Variants in HMGXB4 observed in about 807,000 individuals in gnomAD.
HMGXB4 encodes HMG-box containing 4, also known as HMG domain-containing protein 4.
Under a neutral mutation model 63.9 loss-of-function variants are expected in HMGXB4, and 27 were observed. That is an observed-to-expected ratio of 0.42 (90% CI 0.31 to 0.58). The LOEUF is 0.58. Ranked by LOEUF, HMGXB4 falls within the 20% of genes least tolerant of loss-of-function variation. HMGXB4 has a pLI of 0.13. For synonymous variants in HMGXB4, 264 were observed against 265.3 expected (o/e 0.99, Z 0.05); for missense variants, 624 against 700.7 (o/e 0.89, Z 1.24).
chr22:35,242,055 G>A, the HMGXB4 span, among the ~76,000 whole-genome samples: 1 of 152,208 alleles, frequency 6.6e-6, no homozygotes, highest in African/African-American at 2.4e-5. Flanking sequence ...TGCTCTCGGG[G>A]TAATACTAGC....
rs1240505878 is a variant in HMGXB4 at position 35,293,072 on chromosome 22, C to T, written c.1719C>T (p.Thr573=). Reference sequence around the variant, plus strand: ...CCCTTGGCCCCTTGGCATGTCTCACCACACAACTACCTGAATTGAATGGCT... The same window carrying T: ...CCCTTGGCCCCTTGGCATGTCTCACTACACAACTACCTGAATTGAATGGCT... The part of the protein sequence containing the change: ...ICALGPLACL[T]TQLPELNGCP... Residue 573 remains threonine (T), a synonymous_variant, in exon 10 of 11, where the codon ACC becomes ACT. Coordinates refer to ENST00000216106, the MANE Select transcript of HMGXB4 (RefSeq NM_001003681.3). 6.2e-7 allele frequency: 1 copy of T among 1,614,210 alleles called. No individual in the cohort carries two copies. The highest frequency in any genetic ancestry group is 1.7e-5 in the Admixed American group (1 of 60,034).
rs1255672532 is a variant in HMGXB4 at position 35,265,441 on chromosome 22, G to A, written c.1053G>A (p.Val351=). The A allele has an allele frequency of 4.3e-6, 7 of 1,614,040 alleles. 1 individual carries two copies. The South Asian group carries it at 7.7e-5, about 18-fold the overall frequency. Reference sequence around the variant, plus strand: ...AGAGAAGTTTAGGACTTTCTGCCGTGCCAGTGGGAGAGGTCACAGTGACAT... The same window carrying A: ...AGAGAAGTTTAGGACTTTCTGCCGTACCAGTGGGAGAGGTCACAGTGACAT... The part of the protein sequence containing the change: ...KSKRSLGLSA[V]PVGEVTVTSG... Residue 351 remains valine (V), a synonymous_variant, in exon 5 of 11, where the codon GTG becomes GTA. Coordinates refer to ENST00000216106, the MANE Select transcript of HMGXB4 (RefSeq NM_001003681.3).
the HMGXB4 span, among the ~76,000 whole-genome samples, chr22:35,251,407 A>T: frequency 6.6e-6 from 1 of 152,168 alleles, no homozygotes; most frequent in East Asian, 1.9e-4. Flanking sequence ...AACAATTCTC[A>T]TCTGCCTCCT....
chr22:35,248,124 T>C, the HMGXB4 span, among the ~76,000 whole-genome samples: 4 of 152,144 alleles, frequency 2.6e-5, no homozygotes, highest in African/African-American at 9.6e-5. Flanking sequence ...TAAACATATC[T>C]AAACATAGAA....
intron 5 of HMGXB4, among the ~76,000 whole-genome samples, chr22:35,268,821 A>G (rs1923425164): frequency 6.6e-6 from 1 of 152,188 alleles, no homozygotes; most frequent in Non-Finnish European, 1.5e-5. Context: ...CTTGTTTCCC[A>G]TACATTCTTA....
At chr22:35,257,488 C>T (rs1306649589), upstream of HMGXB4, 2 of 152,836 alleles carry the variant, frequency 1.3e-5, no homozygotes, top group Admixed American at 6.5e-5. Context: ...GCCGCTCGCG[C>T]TTTTCTCTCC....
At chr22:35,257,705 G>A (rs1279990970) in intron 1 of HMGXB4, 148 bp downstream of exon 1, 1 of 152,564 alleles carries the variant, frequency 6.6e-6, no homozygotes, top group African/African-American at 2.4e-5. Flanking sequence ...CAGGGGCCGA[G>A]CCGGGGACTG....
intron 1 of HMGXB4, among the ~76,000 whole-genome samples, chr22:35,260,161 TTTG>T (rs1366995527): frequency 2.0e-5 from 3 of 152,226 alleles, no homozygotes; most frequent in Non-Finnish European, 4.4e-5. Context: ...ACAAGTGCAT[TTTG>T]TTGTTGACAA....
chr22:35,290,731 G>C (rs527243967), intron 9 of HMGXB4, among the ~76,000 whole-genome samples: 1 of 150,184 alleles, frequency 6.7e-6, no homozygotes, highest in African/African-American at 2.5e-5. Flanking sequence ...CATTTGCATA[G>C]ATCTCTGCAA....
At chr22:35,282,176 CAT>C (rs1924282613) in intron 5 of HMGXB4, among the ~76,000 whole-genome samples, 1 of 152,116 alleles carries the variant, frequency 6.6e-6, no homozygotes, top group African/African-American at 2.4e-5. Flanking sequence ...ACATTCATGT[CAT>C]ATTTTTTGTT....
chr22:35,264,891 A>C lies in HMGXB4; in HGVS notation c.503A>C (p.Lys168Thr), dbSNP rs768250561. Residue 168 changes from lysine to threonine, a missense_variant, in exon 5 of 11, where the codon AAA becomes ACA. By Grantham distance (78) the Lys-to-Thr change is moderately conservative. Coordinates refer to ENST00000216106, the MANE Select transcript of HMGXB4 (RefSeq NM_001003681.3). ...ELPLEDGGSH[K>T]SKKMKPLYVN... ...CCCCTAGAGGATGGTGGCTCCCACA[A>C]ATCGAAAAAAATGAAACCTCTCTAT... The C allele has an allele frequency of 1.2e-6, 2 of 1,614,026 alleles. No individual in the cohort carries two copies. Among genetic ancestry groups the C allele is most frequent in the African/African-American group, 2.7e-5 (2 of 74,898 alleles).
At chr22:35,241,897 C>CAT in the HMGXB4 span, among the ~76,000 whole-genome samples, 80 of 152,006 alleles carry the variant, frequency 5.3e-4, no homozygotes, top group East Asian at 9.7e-4. Flanking sequence ...AGCCTCAGCA[C>CAT]GCTGCTCTGT....
Position 35,265,601 on chromosome 22 carries a change from A to G in HMGXB4, c.1213A>G (p.Lys405Glu). 1 of 1,560,098 alleles carries G rather than the reference A, an allele frequency of 6.4e-7. No individual in the cohort carries two copies. Among genetic ancestry groups the G allele is most frequent in the Non-Finnish European group, 8.7e-7 (1 of 1,154,728 alleles). Residue 405 changes from lysine (K) to glutamate (E), a missense_variant and splice_region_variant, in exon 5 of 11, where the codon AAG (lysine) becomes GAG (glutamate). Physicochemically the swap from Lys to Glu is moderately conservative, Grantham distance 56. Around this residue, in one of 2 missense-constraint regions of HMGXB4, gnomAD observed 472 missense variants for 470.6 expected, o/e 1.00. Transcript: ENST00000216106. ...GGACAAAGAGAGAGAGAGAGGAGAA[A>G]AGGTAAAGCATCTTTTAAGTGTGGT... ...EKDKERERGE[K>E]PKKKNMSAYQ...
At chr22:35,290,616 GCGAGAC>G (rs1924873312) in intron 9 of HMGXB4, among the ~76,000 whole-genome samples, 1 of 136,146 alleles carries the variant, frequency 7.3e-6, no homozygotes, top group African/African-American at 2.8e-5. Flanking sequence ...GGGCGACGGA[GCGAGAC>G]TCCGCCTCAA....
intron 9 of HMGXB4, among the ~76,000 whole-genome samples, chr22:35,288,823 T>C (rs1401381103): frequency 2.0e-5 from 3 of 152,080 alleles, no homozygotes; most frequent in African/African-American, 7.2e-5. Context: ...TCTCAAAAAA[T>C]ACATATATTC....
intron 5 of HMGXB4, among the ~76,000 whole-genome samples, chr22:35,266,113 T>C (rs1192777659): frequency 6.6e-6 from 1 of 152,072 alleles, no homozygotes; most frequent in Non-Finnish European, 1.5e-5. Flanking sequence ...AGAGTTATTC[T>C]CCCATTGTGC....
intron 9 of HMGXB4, among the ~76,000 whole-genome samples, chr22:35,289,858 G>A (rs992206546): frequency 3.9e-5 from 6 of 152,190 alleles, no homozygotes; most frequent in Non-Finnish European, 5.9e-5. Context: ...CCAAGTTCTA[G>A]TAAGACATTT....
chr22:35,257,286 T>C (rs1922467839), upstream of HMGXB4, among the ~76,000 whole-genome samples: 2 of 152,144 alleles, frequency 1.3e-5, no homozygotes, highest in African/African-American at 2.4e-5. Context: ...AGGAATACAG[T>C]GAGGATTAAG....
At chr22:35,290,587 C>T (rs939744064) in intron 9 of HMGXB4, among the ~76,000 whole-genome samples, 3 of 147,508 alleles carry the variant, frequency 2.0e-5, no homozygotes, top group Admixed American at 6.9e-5. Context: ...GCCGAGATTG[C>T]GCCACTGCAC....
Sources: gnomAD v4.1 joint callset for allele counts (sites outside exome capture counted in the v4.1 genomes callset) on GRCh38, gnomAD v4.1.1 for gene constraint, gnomAD v4.1.1 regional missense constraint, MANE v1.5 for transcripts, NCBI Gene and HGNC (gene_info 2026-07-23, HGNC 2026-07-21) for gene names.